The following MDGA2 variants were observed in gnomAD, a reference collection of about 807,000 sequenced individuals.
The protein encoded by MDGA2 is MAM domain containing glycosylphosphatidylinositol anchor 2.
In MDGA2, 40 loss-of-function variants were observed where a neutral mutation model predicts 117.8. That is an observed-to-expected ratio of 0.34 (90% CI 0.26 to 0.44). The LOEUF (loss-of-function observed/expected upper bound fraction) is 0.44, where lower values mean the gene tolerates loss of function less well. Ranked by LOEUF, MDGA2 falls within the 20% of genes least tolerant of loss-of-function variation. The pLI is 1.00. For synonymous variants in MDGA2, 452 were observed against 439.0 expected (o/e 1.03, Z -0.37); for missense variants, 1,123 against 1,250.6 (o/e 0.90, Z 1.54).
chr14:47,369,709 T>A (rs1891303961), intron 1 of MDGA2, among the ~76,000 whole-genome samples: 1 of 152,186 alleles, frequency 6.6e-6, no homozygotes, highest in Non-Finnish European at 1.5e-5. Flanking sequence ...ATAGTGGTCA[T>A]CTGCTTTTCT....
At chr14:47,243,755 G>A (rs537627350) in intron 2 of MDGA2, among the ~76,000 whole-genome samples, 3 of 151,706 alleles carry the variant, frequency 2.0e-5, no homozygotes, top group African/African-American at 7.2e-5. Flanking sequence ...GCGAGGGTCC[G>A]AGGCTTCATT....
intron 2 of MDGA2, among the ~76,000 whole-genome samples, chr14:47,272,964 C>T (rs553533833): frequency 3.0e-4 from 46 of 152,230 alleles, no homozygotes; most frequent in African/African-American, 1.1e-3. Flanking sequence ...CTACTTTCCA[C>T]TTAACTAAGG....
intron 1 of MDGA2, among the ~76,000 whole-genome samples, chr14:47,521,721 G>T (rs952807363): frequency 6.6e-6 from 1 of 151,950 alleles, no homozygotes. Context: ...ACCCAGGCTG[G>T]AGTGCAATGG....
chr14:47,277,122 G>A (rs917976849), intron 2 of MDGA2, among the ~76,000 whole-genome samples: 1 of 152,094 alleles, frequency 6.6e-6, no homozygotes, highest in Non-Finnish European at 1.5e-5. Flanking sequence ...CATTCTCTCA[G>A]TGCCTTTGCC....
chr14:47,514,543 G>T (rs554666991), intron 1 of MDGA2, among the ~76,000 whole-genome samples: 44 of 152,184 alleles, frequency 2.9e-4, no homozygotes, highest in Non-Finnish European at 5.4e-4. Context: ...ATTGACACCA[G>T]CCCTGGGACT....
chr14:47,669,754 C>T (rs1898041377), intron 1 of MDGA2, among the ~76,000 whole-genome samples: 1 of 152,054 alleles, frequency 6.6e-6, no homozygotes, highest in Admixed American at 6.6e-5. Context: ...TTTTTAACAG[C>T]ATTTATTAAA....
chr14:46,886,394 G>T (rs925196770), intron 10 of MDGA2, among the ~76,000 whole-genome samples: 8 of 152,154 alleles, frequency 5.3e-5, no homozygotes, highest in Non-Finnish European at 1.2e-4. Flanking sequence ...AATTAATTTT[G>T]AAGTAGATAT....
chr14:47,460,589 G>A (rs775702361), intron 1 of MDGA2, among the ~76,000 whole-genome samples: 4 of 152,114 alleles, frequency 2.6e-5, no homozygotes, highest in Non-Finnish European at 5.9e-5. Flanking sequence ...GAAAGTTATA[G>A]TAAGTGTTGG....
intron 1 of MDGA2, among the ~76,000 whole-genome samples, chr14:47,620,136 A>C (rs533424489): frequency 6.6e-6 from 1 of 152,364 alleles, no homozygotes; most frequent in Non-Finnish European, 1.5e-5. Flanking sequence ...TAATATGAAA[A>C]CCAAGGCATC....
At position 47,218,338 on chromosome 14, in the gene MDGA2, T is replaced by C. The variant is rs1042600625; in HGVS notation, c.421-143A>G. On this transcript the variant is annotated intron_variant, in intron 2 of 16. Coordinates refer to ENST00000399232, the MANE Select transcript of MDGA2 (RefSeq NM_001113498.3). Reference sequence around the variant, plus strand: ...AATTATTGAAGAAAAAATTAATGTTTACAGACACGATTGAATTAAAAAATT... The same window carrying C: ...AATTATTGAAGAAAAAATTAATGTTCACAGACACGATTGAATTAAAAAATT... 10 of 726,384 alleles carry C rather than the reference T, an allele frequency of 1.4e-5. No homozygotes were observed. In the Admixed American group the frequency reaches 2.0e-4, roughly 14 times the overall value. 45.0% of individuals were successfully genotyped at this position (726,384 alleles called of 1,614,324 possible).
chr14:47,289,314 C>T (rs1888796994), intron 2 of MDGA2, among the ~76,000 whole-genome samples: 2 of 149,774 alleles, frequency 1.3e-5, no homozygotes, highest in Admixed American at 1.3e-4. Flanking sequence ...TACACACACA[C>T]ACACACACAC....
At chr14:47,329,486 T>C (rs1479851895) in intron 1 of MDGA2, among the ~76,000 whole-genome samples, 2 of 152,122 alleles carry the variant, frequency 1.3e-5, no homozygotes, top group Admixed American at 1.3e-4. Context: ...TTTCTCAAAG[T>C]TGATATTCTT....
At chr14:47,160,885 G>C (rs1883606436) in intron 3 of MDGA2, among the ~76,000 whole-genome samples, 1 of 151,984 alleles carries the variant, frequency 6.6e-6, no homozygotes, top group Non-Finnish European at 1.5e-5. Context: ...CTGCTCTTTG[G>C]ACAATATTTA....
intron 1 of MDGA2, among the ~76,000 whole-genome samples, chr14:47,320,864 C>T (rs1468513973): frequency 6.6e-6 from 1 of 151,980 alleles, no homozygotes; most frequent in African/African-American, 2.4e-5. Flanking sequence ...TGTGTTTGCC[C>T]TAAAGTTAGG....
intron 3 of MDGA2, among the ~76,000 whole-genome samples, chr14:47,172,058 T>C (rs1261090249): frequency 6.6e-6 from 1 of 152,124 alleles, no homozygotes; most frequent in African/African-American, 2.4e-5. Context: ...CACAGTGGTC[T>C]GAGATCAAAC....
chr14:47,103,054 T>C (rs548473593), intron 5 of MDGA2, among the ~76,000 whole-genome samples: 1 of 152,150 alleles, frequency 6.6e-6, no homozygotes, highest in East Asian at 1.9e-4. Flanking sequence ...GGGTGAAAAA[T>C]GAAATAATGA....
At chr14:47,160,860 AT>A in intron 3 of MDGA2, among the ~76,000 whole-genome samples, 1 of 152,246 alleles carries the variant, frequency 6.6e-6, no homozygotes, top group South Asian at 2.1e-4. Context: ...TTAAAAGCAA[AT>A]TTTTTGATTG....
chr14:46,966,291 A>G (rs1886028281), intron 8 of MDGA2, among the ~76,000 whole-genome samples: 2 of 152,222 alleles, frequency 1.3e-5, no homozygotes, highest in African/African-American at 4.8e-5. Flanking sequence ...TTCAGAATGC[A>G]TGCTCTTAAA....
intron 3 of MDGA2, among the ~76,000 whole-genome samples, chr14:47,203,540 GTCT>G (rs1367046377): frequency 6.6e-6 from 1 of 151,952 alleles, no homozygotes; most frequent in Non-Finnish European, 1.5e-5. Context: ...TTTCAGTTAA[GTCT>G]TCTGGGCTCA....
Sources: gnomAD v4.1 joint callset for allele counts (sites outside exome capture counted in the v4.1 genomes callset) on GRCh38, gnomAD v4.1.1 for gene constraint, MANE v1.5 for transcripts, NCBI Gene and HGNC (gene_info 2026-07-23, HGNC 2026-07-21) for gene names.